Variants in PCDHGA5 observed in about 807,000 individuals in gnomAD.
PCDHGA5 encodes protocadherin gamma subfamily A, 5, also known as protocadherin gamma-A5.
PCDHGA5 carries 36 observed loss-of-function variants against 56.7 expected under a neutral mutation model. The observed-to-expected ratio is 0.64, with a 90% CI of 0.49 to 0.84. The LOEUF (loss-of-function observed/expected upper bound fraction) is 0.84, where lower values mean the gene tolerates loss of function less well. Among genes scored for constraint, PCDHGA5 ranks in the 40% least tolerant of loss-of-function variants. The probability of loss-of-function intolerance (pLI) is 0.00; values close to 1 mark genes in which losing one functional copy is unlikely to be tolerated. For synonymous variants in PCDHGA5, 563 were observed against 520.2 expected (o/e 1.08, Z -1.12); for missense variants, 1,305 against 1,201.5 (o/e 1.09, Z -1.27).
intron 1 of PCDHGA5, chr5:141,413,266 GGA>G: frequency 6.2e-7 from 1 of 1,613,962 alleles, no homozygotes; most frequent in South Asian, 1.1e-5. Context: ...ATGGGAGGCT[GGA>G]GCCCGGCAGA....
At chr5:141,416,033 C>T (rs770398549) in intron 1 of PCDHGA5, 22 of 202,600 alleles carry the variant, frequency 1.1e-4, no homozygotes, top group Non-Finnish European at 1.9e-4. Flanking sequence ...AAAGAAATCA[C>T]CTCTGGAAAC....
chr5:141,476,986 C>A lies in PCDHGA5; in HGVS notation c.2422-17821C>A. ...CCTTCGGCAGCCACAACCGCGCCGG[C>A]GTGCGGCAACTATTCGCCTTAGACC... On this transcript the variant is annotated intron_variant, in intron 1 of 3. Transcript: ENST00000518069. The surrounding 1 kb of genome is among the most constrained non-coding windows in gnomAD (Gnocchi z 7.6). 6.2e-7 allele frequency: 1 copy of A among 1,614,218 alleles called. No individual in the cohort carries two copies. The highest frequency in any genetic ancestry group is 8.5e-7 in the Non-Finnish European group (1 of 1,180,042).
At chr5:141,417,702 A>G (rs2096149298) in intron 1 of PCDHGA5, 2 of 1,199,336 alleles carry the variant, frequency 1.7e-6, no homozygotes, top group Non-Finnish European at 1.1e-6. Context: ...CAGCTCCCAC[A>G]CAGAGGCTCC....
At chr5:141,475,819 G>A (rs1232669115) in intron 1 of PCDHGA5, 4 of 350,114 alleles carry the variant, frequency 1.1e-5, no homozygotes, top group Non-Finnish European at 1.6e-5. Context: ...GAAGTTCCTG[G>A]CGCTAGCGCG....
Position 141,365,650 on chromosome 5 carries a change from G to C in PCDHGA5, c.1320G>C (p.Leu440Phe). 1 of 1,613,414 alleles carries C rather than the reference G, an allele frequency of 6.2e-7. No individual in the cohort carries two copies. Among genetic ancestry groups the C allele is most frequent in the South Asian group, 1.1e-5 (1 of 91,036 alleles). The change falls in exon 1 of 4, where the codon TTG becomes TTC. Residue 440 changes from leucine (L) to phenylalanine (F), a missense_variant. Physicochemically the swap from Leu to Phe is conservative, Grantham distance 22. Transcript: ENST00000518069. ...TCTCTACAGAAAGCCACATCCCCTTGAAAGTAGCAGACGTTAATGACAACC... is the reference window on the plus strand; with the variant it reads ...TCTCTACAGAAAGCCACATCCCCTTCAAAGTAGCAGACGTTAATGACAACC... ...PPLSTESHIP[L>F]KVADVNDNPP... is the part of the protein sequence containing the mutation.
At chr5:141,422,639 C>G (rs777330051) in intron 1 of PCDHGA5, 1 of 1,612,662 alleles carries the variant, frequency 6.2e-7, no homozygotes. Flanking sequence ...AGGGGTGCCT[C>G]CATCTTCTCA....
At chr5:141,509,953 G>A (rs987910496) in intron 3 of PCDHGA5, among the ~76,000 whole-genome samples, 4 of 152,282 alleles carry the variant, frequency 2.6e-5, no homozygotes, top group Non-Finnish European at 4.4e-5. Context: ...AAATGCTACC[G>A]GGTATGGCCT....
chr5:141,399,165 T>C (rs1423083245), intron 1 of PCDHGA5: 1 of 1,613,774 alleles, frequency 6.2e-7, no homozygotes, highest in South Asian at 1.1e-5. Context: ...TTACATTCCA[T>C]TCTCTACTTG....
chr5:141,472,465 A>C (rs886879646), intron 1 of PCDHGA5, among the ~76,000 whole-genome samples: 4 of 152,032 alleles, frequency 2.6e-5, no homozygotes, highest in Non-Finnish European at 5.9e-5. Flanking sequence ...GCTTGAACCC[A>C]GAAGGCAGAG....
At chr5:141,478,333 G>C in intron 1 of PCDHGA5, 5 of 1,613,928 alleles carry the variant, frequency 3.1e-6, no homozygotes, top group Non-Finnish European at 4.2e-6. Flanking sequence ...GAACACCAGG[G>C]CCCTCCTTGC....
At chr5:141,419,302 C>T in intron 1 of PCDHGA5, 1 of 1,614,024 alleles carries the variant, frequency 6.2e-7, no homozygotes, top group East Asian at 2.2e-5. Context: ...ACCCAGACTT[C>T]GGGCTCAACG....
At chr5:141,442,253 G>A (rs910914393) in intron 1 of PCDHGA5, 2 of 153,064 alleles carry the variant, frequency 1.3e-5, no homozygotes, top group Non-Finnish European at 2.9e-5. Flanking sequence ...TGCATTGTTT[G>A]TGCTGGTTTT....
At chr5:141,393,284 T>C (rs1462333832) in intron 1 of PCDHGA5, 10 of 1,613,870 alleles carry the variant, frequency 6.2e-6, no homozygotes, top group African/African-American at 2.7e-5. Flanking sequence ...TCCCAGAAGC[T>C]GTTGACCCGG....
chr5:141,463,596 C>T (rs922480221), intron 1 of PCDHGA5, among the ~76,000 whole-genome samples: 5 of 151,874 alleles, frequency 3.3e-5, no homozygotes, highest in Admixed American at 2.0e-4. Flanking sequence ...CTACAGGTGC[C>T]TGCCACCATG....
chr5:141,397,379 T>C (rs1470838357), intron 1 of PCDHGA5, among the ~76,000 whole-genome samples: 1 of 152,206 alleles, frequency 6.6e-6, no homozygotes, highest in East Asian at 1.9e-4. Context: ...TGGGGATTGG[T>C]ATAAAATTGC....
chr5:141,479,676 G>A (rs2099503035), intron 1 of PCDHGA5: 1 of 152,242 alleles, frequency 6.6e-6, no homozygotes, highest in African/African-American at 2.4e-5. Context: ...CAAAAGGAGA[G>A]TCTTTTTGGT....
In PCDHGA5 at chr5:141,431,777, G is replaced by T. The variant is rs151011884; in HGVS notation, c.2422-63030G>T. 5,401 of 1,614,186 alleles carry T rather than the reference G, an allele frequency of 3.3e-3. 6 individuals are homozygous for T. Among genetic ancestry groups the T allele is most frequent in the Non-Finnish European group, 4.2e-3 (4,899 of 1,180,002 alleles). On this transcript the variant is annotated intron_variant, in intron 1 of 3. Coordinates refer to ENST00000518069, the MANE Select transcript of PCDHGA5 (RefSeq NM_018918.3). The surrounding 1 kb of genome is among the most constrained non-coding windows in gnomAD (Gnocchi z 4.8). ...CAAAGTCCTGATCACTGTTCTGGAC[G>T]TGAACGACAATGCCCCAGAAGTGGT...
chr5:141,383,510 A>G (rs1390731022), intron 1 of PCDHGA5: 1 of 1,612,804 alleles, frequency 6.2e-7, no homozygotes, highest in Admixed American at 1.7e-5. Context: ...GACCGGGAGG[A>G]AGAGCGGGTT....
chr5:141,453,524 C>T (rs1351750021), intron 1 of PCDHGA5, among the ~76,000 whole-genome samples: 1 of 152,060 alleles, frequency 6.6e-6, no homozygotes, highest in Non-Finnish European at 1.5e-5. Flanking sequence ...TCCCCTATAC[C>T]TTCTGCCTCA....
Sources: allele counts gnomAD v4.1 joint callset (sites outside exome capture counted in the v4.1 genomes callset), GRCh38; gene constraint gnomAD v4.1.1; non-coding constraint Gnocchi (gnomAD v3.1); transcripts MANE v1.5; gene names NCBI Gene and HGNC (gene_info 2026-07-23, HGNC 2026-07-21).